Variants in TCF7 observed in about 807,000 individuals in gnomAD.
The protein encoded by TCF7 is T-cell-factor-7.
In TCF7, 19 loss-of-function variants were observed where a neutral mutation model predicts 46.8. That is an observed-to-expected ratio of 0.41 (90% CI 0.28 to 0.60). The LOEUF is 0.60. Among genes scored for constraint, TCF7 ranks in the 20% least tolerant of loss-of-function variants. TCF7 has a pLI of 0.35. For missense variants in TCF7, 547 were observed against 504.6 expected, an observed-to-expected ratio of 1.08 and a Z score of -0.81; for synonymous variants, 245 against 213.4, an observed-to-expected ratio of 1.15 and a Z score of -1.29.
intron 3 of TCF7, among the ~76,000 whole-genome samples, chr5:134,122,936 C>G (rs1331394277): frequency 6.6e-6 from 1 of 152,136 alleles, no homozygotes; most frequent in African/African-American, 2.4e-5. Context: ...GGCGTTGAGT[C>G]TGCACGATGC....
At position 134,143,088 on chromosome 5, in the gene TCF7, G is replaced by A. The variant is rs748204724; in HGVS notation, c.1014G>A (p.Ala338=). 3.1e-5 allele frequency: 50 copies of A among 1,605,376 alleles called. No homozygotes were observed. The highest frequency in any genetic ancestry group is 1.8e-4 in the South Asian group (16 of 89,842). Residue 338 remains alanine, a synonymous_variant, in exon 8 of 10, where the codon GCG becomes GCA. Transcript: ENST00000342854. ...LHMQLYPGWS[A]RDNYGKKKRR... The stretch of plus-strand genomic sequence containing the variant: ...TGCAGCTATACCCAGGCTGGTCAGC[G>A]CGGGACAACTACGTGAGTGCCTAGT...
At chr5:134,132,722 G>T (rs1280844399) in intron 3 of TCF7, among the ~76,000 whole-genome samples, 4 of 141,052 alleles carry the variant, frequency 2.8e-5, no homozygotes, top group African/African-American at 7.6e-5. Context: ...TTTCACCTGA[G>T]CCTGCAGGAA....
intron 3 of TCF7, among the ~76,000 whole-genome samples, chr5:134,125,856 C>T (rs1580825700): frequency 1.3e-5 from 2 of 152,204 alleles, no homozygotes; most frequent in Admixed American, 1.3e-4. Context: ...CAGGGCAGCA[C>T]AGGCCTCTGA....
intron 9 of TCF7, chr5:134,144,307 C>G (rs1269282015): frequency 5.9e-6 from 1 of 168,270 alleles, no homozygotes; most frequent in African/African-American, 2.4e-5. Flanking sequence ...AAGAATAGGC[C>G]CTTCCTTCCA....
Position 134,142,266 on chromosome 5 carries a change from C to A in TCF7, c.717C>A (p.Pro239=). ...TCCCCCACCCGGCCATTGTGCCCCC[C>A]TCAGGGAAGCAGGAGCTGCAGCCCT... The part of the protein sequence containing the change: ...AAIPHPAIVP[P]SGKQELQPFD... The change falls in exon 6 of 10, where the codon CCC becomes CCA. Residue 239 remains proline (P), a synonymous_variant. Coordinates refer to ENST00000342854, the MANE Select transcript of TCF7 (RefSeq NM_003202.5). The A allele has an allele frequency of 6.2e-7, 1 of 1,603,050 alleles. No individual in the cohort carries two copies. The highest frequency in any genetic ancestry group is 8.5e-7 in the Non-Finnish European group (1 of 1,172,534).
intron 3 of TCF7, among the ~76,000 whole-genome samples, chr5:134,118,235 C>G (rs756638624): frequency 6.6e-6 from 1 of 152,168 alleles, no homozygotes; most frequent in Non-Finnish European, 1.5e-5. Context: ...TGCAAGGGCC[C>G]TGAGGAAAAA....
Position 134,131,024 on chromosome 5 carries a change from G to A in TCF7, c.442-7035G>A, listed in dbSNP as rs142171924. ...CCTTCCTCCTCAGATGAGGAGGATA[G>A]CATAGACTTCTAGGAGGAAGTCTCA... is the stretch of plus-strand genomic sequence containing the variant. On this transcript the variant is annotated intron_variant, in intron 3 of 9. Coordinates refer to ENST00000342854, the MANE Select transcript of TCF7 (RefSeq NM_003202.5). 3.9e-3 allele frequency among the ~76,000 whole-genome samples: 599 copies of A among 152,294 alleles called. 7 individuals carry two copies. Among genetic ancestry groups the A allele is most frequent in the African/African-American group, 0.013 (556 of 41,556 alleles).
intron 3 of TCF7, among the ~76,000 whole-genome samples, chr5:134,118,934 A>G (rs900877747): frequency 6.6e-6 from 1 of 152,188 alleles, no homozygotes; most frequent in Admixed American, 6.5e-5. Flanking sequence ...GGTATGCACT[A>G]CAATGCCCGG....
intron 5 of TCF7, chr5:134,141,154 G>A (rs575927304): frequency 5.3e-6 from 1 of 188,858 alleles, no homozygotes; most frequent in South Asian, 8.0e-5. Context: ...GTGTGCAGAT[G>A]TGTGTGCACT....
intron 3 of TCF7, among the ~76,000 whole-genome samples, chr5:134,127,870 T>A (rs571201749): frequency 1.3e-5 from 2 of 152,362 alleles, no homozygotes; most frequent in South Asian, 4.1e-4. Context: ...GCCTTTGTCT[T>A]GGGACATACT....
At position 134,146,719 on chromosome 5, in the gene TCF7, T is replaced by C; in HGVS notation, c.*416T>C. 5.0e-6 allele frequency: 3 copies of C among 600,308 alleles called. No homozygotes were observed. The highest frequency in any genetic ancestry group is 5.9e-6 in the Non-Finnish European group (2 of 340,018). The allele number at this position is 600,308 out of a possible 1,614,324, so 37.2% of individuals were successfully genotyped here. A position where few individuals can be genotyped will look rare whatever the true frequency, so the allele number is the denominator to read the frequency against. On this transcript the variant is annotated 3_prime_UTR_variant, in exon 10 of 10. Coordinates refer to ENST00000342854, the MANE Select transcript of TCF7 (RefSeq NM_003202.5). ...CTCCAAGTGGTGGGAATCAGATCTG[T>C]CTTGATGTGTCATCTAATTAAGGGA...
chr5:134,115,972 T>G lies in TCF7; in HGVS notation c.380T>G (p.Leu127Arg). Residue 127 changes from leucine (L) to arginine (R), a missense_variant, in exon 3 of 10, where the codon CTG becomes CGG. By Grantham distance (102) the Leu-to-Arg change is moderately radical (BLOSUM62 -2). This residue lies in a region of TCF7 where 425 missense variants were observed against 349.9 expected (regional missense o/e 1.21). Transcript: ENST00000342854. ...GAGACCGTCTACTCCGCCTTCAATC[T>G]GCTCATGCATTACCCACCCCCCTCG... ...YKETVYSAFNLLMHYPPPSGA... is the reference protein window; with the variant it reads ...YKETVYSAFNRLMHYPPPSGA... 6.2e-7 allele frequency: 1 copy of G among 1,614,010 alleles called. No individual in the cohort carries two copies. The highest frequency in any genetic ancestry group is 2.2e-5 in the East Asian group (1 of 44,880).
intron 3 of TCF7, among the ~76,000 whole-genome samples, chr5:134,116,569 T>C (rs112990148): frequency 3.4e-4 from 52 of 152,184 alleles, no homozygotes; most frequent in Non-Finnish European, 6.3e-4. Context: ...CTGAACACCA[T>C]GTGTGGAAAG....
Position 134,115,134 on chromosome 5 carries a change from C to G in TCF7, c.228C>G (p.Ala76=). The G allele has an allele frequency of 9.9e-7, 1 of 1,011,798 alleles. No homozygotes were observed. The highest frequency in any genetic ancestry group is 8.7e-5 in the East Asian group (1 of 11,448). The allele number at this position is 1,011,798 out of a possible 1,614,324, so 62.7% of individuals were successfully genotyped here. A position where few individuals can be genotyped will look rare whatever the true frequency, so the allele number is the denominator to read the frequency against. The change falls in exon 1 of 10, where the codon GCC becomes GCG. Residue 76 remains alanine, a synonymous_variant. Coordinates refer to ENST00000342854, the MANE Select transcript of TCF7 (RefSeq NM_003202.5). ...TCCCGGGGGTCCCGGGGGCCGGCGC[C>G]GGGGCCCGCGGCGAGGCCGAGGTGA... ...AGIPGVPGAG[A]GARGEAEALG...
At chr5:134,142,074 C>CT (rs1759878431) in intron 5 of TCF7, 111 bp from the exon 6 acceptor site, 1 of 1,469,630 alleles carries the variant, frequency 6.8e-7, no homozygotes, top group Non-Finnish European at 9.4e-7. Context: ...GATAGAGTAT[C>CT]TATCTGTTCA....
At chr5:134,131,663 G>C (rs1758143646) in intron 3 of TCF7, among the ~76,000 whole-genome samples, 1 of 152,210 alleles carries the variant, frequency 6.6e-6, no homozygotes, top group Non-Finnish European at 1.5e-5. Flanking sequence ...TGAGTGCAGA[G>C]CCCAGACAGA....
At chr5:134,115,517 G>A in intron 2 of TCF7, 130 bp downstream of exon 2, 2 of 1,459,690 alleles carry the variant, frequency 1.4e-6, no homozygotes, top group Non-Finnish European at 1.8e-6. Flanking sequence ...AGAACCCAGG[G>A]GTGGAGAGTG....
At chr5:134,131,337 G>A (rs1278291928) in intron 3 of TCF7, among the ~76,000 whole-genome samples, 1 of 152,246 alleles carries the variant, frequency 6.6e-6, no homozygotes, top group Non-Finnish European at 1.5e-5. Flanking sequence ...CCTCAAGTGG[G>A]TTGTCACACG....
At chr5:134,132,675 G>T (rs1758306173) in intron 3 of TCF7, among the ~76,000 whole-genome samples, 1 of 151,590 alleles carries the variant, frequency 6.6e-6, no homozygotes, top group South Asian at 2.1e-4. Context: ...CGAGCAGACC[G>T]CTGCGGTCTA....
Sources: allele counts gnomAD v4.1 joint callset (sites outside exome capture counted in the v4.1 genomes callset), GRCh38; gene constraint gnomAD v4.1.1; regional missense constraint gnomAD v4.1.1; transcripts MANE v1.5; gene names NCBI Gene and HGNC (gene_info 2026-07-23, HGNC 2026-07-21).